EXT1: variants seen among roughly 807,000 people sequenced by gnomAD.
EXT1 encodes the protein exostosin-1.
EXT1 carries 20 observed loss-of-function variants against 82.5 expected under a neutral mutation model. That is an observed-to-expected ratio of 0.24 (90% CI 0.17 to 0.35). The LOEUF (loss-of-function observed/expected upper bound fraction) is 0.35, where lower values mean the gene tolerates loss of function less well. EXT1 is among the 10% of genes least tolerant of loss of function. The pLI is 1.00. For missense variants in EXT1, 757 were observed against 936.5 expected (o/e 0.81, Z 2.50); for synonymous variants, 348 against 350.8 (o/e 0.99, Z 0.09).
At chr8:117,869,048 C>T (rs1812823994) in intron 1 of EXT1, among the ~76,000 whole-genome samples, 1 of 152,112 alleles carries the variant, frequency 6.6e-6, no homozygotes, top group South Asian at 2.1e-4. Flanking sequence ...CTCTATGTTC[C>T]CTGCTGTGTG....
rs2130044879 is a variant in EXT1 at position 118,110,827 on chromosome 8, C to G, written c.220G>C (p.Glu74Gln). ...GGGGAAATGTGCACGCTGGAATCCTCGTTTTCCAATTGATCCCAAGGAACG... is the reference window on the plus strand; with the variant it reads ...GGGGAAATGTGCACGCTGGAATCCTGGTTTTCCAATTGATCCCAAGGAACG... Reference protein sequence around the residue: ...PFVPWDQLENEDSSVHISPRQ... With the variant: ...PFVPWDQLENQDSSVHISPRQ... The change falls in exon 1 of 11, where the codon GAG (glutamate) becomes CAG (glutamine). Residue 74 changes from glutamate (E) to glutamine (Q), a missense_variant. Glu to Gln is a conservative substitution (Grantham distance 29, BLOSUM62 2). Transcript: ENST00000378204. The G allele has an allele frequency of 6.2e-7, 1 of 1,612,558 alleles. No homozygotes were observed. Among genetic ancestry groups the G allele is most frequent in the South Asian group, 1.1e-5 (1 of 91,050 alleles).
intron 1 of EXT1, among the ~76,000 whole-genome samples, chr8:117,991,129 T>C (rs1392386378): frequency 1.3e-5 from 2 of 151,418 alleles, no homozygotes; most frequent in East Asian, 3.9e-4. Flanking sequence ...TTTTTTTAGA[T>C]GGACCCTCGC....
chr8:118,070,394 C>A (rs1036721157), intron 1 of EXT1, among the ~76,000 whole-genome samples: 9 of 151,950 alleles, frequency 5.9e-5, no homozygotes, highest in South Asian at 4.2e-4. Context: ...TGTTTCGATC[C>A]CCTCAAAATA....
At chr8:117,806,703 G>A (rs1433485266) in intron 9 of EXT1, among the ~76,000 whole-genome samples, 1 of 152,008 alleles carries the variant, frequency 6.6e-6, no homozygotes, top group African/African-American at 2.4e-5. Context: ...AATCACCCTG[G>A]ACACCCCCAA....
Position 118,037,700 on chromosome 8 carries a change from G to A in EXT1, c.962+72385C>T, listed in dbSNP as rs115957249. Reference sequence around the variant, plus strand: ...AATATAAAGTTCTCCACTGAAAACCGAAAGACTCAAAATCTATTATCTTAT... The same window carrying A: ...AATATAAAGTTCTCCACTGAAAACCAAAAGACTCAAAATCTATTATCTTAT... On this transcript the variant is annotated intron_variant, in intron 1 of 10. Transcript: ENST00000378204. Among the ~76,000 whole-genome samples, 1,089 of 152,176 alleles carry A rather than the reference G, an allele frequency of 7.2e-3. 21 individuals are homozygous for A. Among genetic ancestry groups the A allele is most frequent in the African/African-American group, 0.023 (956 of 41,540 alleles).
chr8:118,080,616 T>A (rs900288519), intron 1 of EXT1, among the ~76,000 whole-genome samples: 2 of 152,196 alleles, frequency 1.3e-5, no homozygotes, highest in African/African-American at 4.8e-5. Context: ...TGAAATGCAT[T>A]TTTCTCTGAA....
chr8:117,809,153 G>GTGTATGTA lies in EXT1; in HGVS notation c.1723-1784_1723-1777dup, dbSNP rs956156843. On this transcript the variant is annotated intron_variant, in intron 8 of 10. Coordinates refer to ENST00000378204, the MANE Select transcript of EXT1 (RefSeq NM_000127.3). ...TTACTCATAATAAATCTCTCTCTCA[G>GTGTATGTA]TGTATGTATGTATGTATGTATGTAT... 1.9e-3 allele frequency among the ~76,000 whole-genome samples: 277 copies of GTGTATGTA among 147,696 alleles called. 1 individual carries two copies. The highest frequency in any genetic ancestry group is 3.6e-3 in the Non-Finnish European group (245 of 67,128).
intron 1 of EXT1, among the ~76,000 whole-genome samples, chr8:117,993,286 A>G (rs1452878341): frequency 6.6e-6 from 1 of 152,222 alleles, no homozygotes; most frequent in East Asian, 1.9e-4. Flanking sequence ...CTGCATGGGG[A>G]TCAACAGATA....
At chr8:117,819,595 G>T in intron 6 of EXT1, 81 bp downstream of exon 6, 3 of 1,207,604 alleles carry the variant, frequency 2.5e-6, no homozygotes, top group South Asian at 1.2e-5. Flanking sequence ...TGGGGAGCCC[G>T]GGGGATAACA....
chr8:117,958,699 A>G (rs982301434), intron 1 of EXT1, among the ~76,000 whole-genome samples: 1 of 152,234 alleles, frequency 6.6e-6, no homozygotes, highest in African/African-American at 2.4e-5. Context: ...TTAAATATTT[A>G]TTGAGCATTT....
intron 1 of EXT1, among the ~76,000 whole-genome samples, chr8:117,995,294 T>C (rs1317329350): frequency 6.6e-6 from 1 of 152,198 alleles, no homozygotes; most frequent in Non-Finnish European, 1.5e-5. Flanking sequence ...TCAGGCATCT[T>C]TGTTCCTCTC....
chr8:117,866,277 T>A (rs1812772812), intron 1 of EXT1, among the ~76,000 whole-genome samples: 1 of 152,202 alleles, frequency 6.6e-6, no homozygotes, highest in South Asian at 2.1e-4. Flanking sequence ...ATATTTTTAA[T>A]TCAAAATATA....
In EXT1 at chr8:117,797,705, A is replaced by G. The variant is rs1397491535; in HGVS notation, c.*2007T>C. The G allele has an allele frequency of 6.6e-6, 1 of 152,232 alleles. No individual in the cohort carries two copies. Among genetic ancestry groups the G allele is most frequent in the East Asian group, 1.9e-4 (1 of 5,204 alleles). The allele number at this position is 152,232 out of a possible 1,614,324, so 9.4% of individuals were successfully genotyped here. ...GCAGCTTAAATGACATGAAACCTGTAAGACCAAACATTTTATAGAAAAGAC... is the reference window on the plus strand; with the variant it reads ...GCAGCTTAAATGACATGAAACCTGTGAGACCAAACATTTTATAGAAAAGAC... On this transcript the variant is annotated 3_prime_UTR_variant, in exon 11 of 11. Coordinates refer to ENST00000378204, the MANE Select transcript of EXT1 (RefSeq NM_000127.3).
chr8:117,994,784 T>C (rs1382299363), intron 1 of EXT1, among the ~76,000 whole-genome samples: 1 of 152,226 alleles, frequency 6.6e-6, no homozygotes, highest in Non-Finnish European at 1.5e-5. Context: ...CTTGTACATC[T>C]GGCAGTGACA....
intron 1 of EXT1, among the ~76,000 whole-genome samples, chr8:117,973,872 AAAGGAAAGGAAAGG>A (rs1166038919): frequency 0.047 from 6,237 of 133,328 alleles, 678 homozygotes; most frequent in Middle Eastern, 0.13. Context: ...AAAGGAAAGG[AAAGGAAAGGAAAGG>A]AAGGAAAGGA....
chr8:117,841,153 C>A (rs1326931975), intron 1 of EXT1, among the ~76,000 whole-genome samples: 1 of 152,164 alleles, frequency 6.6e-6, no homozygotes, highest in East Asian at 1.9e-4. Flanking sequence ...TAACCTTAAA[C>A]TGGAAACTAC....
chr8:117,862,994 T>A (rs1157873284), intron 1 of EXT1, among the ~76,000 whole-genome samples: 1 of 151,990 alleles, frequency 6.6e-6, no homozygotes, highest in East Asian at 1.9e-4. Context: ...GTGGAGGTGT[T>A]GGCAGAGGAA....
At chr8:117,911,427 C>T (rs1428188135) in intron 1 of EXT1, among the ~76,000 whole-genome samples, 1 of 152,134 alleles carries the variant, frequency 6.6e-6, no homozygotes, top group Non-Finnish European at 1.5e-5. Flanking sequence ...TGGCCAGTTC[C>T]GATTCCCTAT....
Position 117,798,286 on chromosome 8 carries a change from A to G in EXT1, c.*1426T>C, listed in dbSNP as rs918462803. 6.6e-6 allele frequency: 1 copy of G among 152,226 alleles called. No homozygotes were observed. The highest frequency in any genetic ancestry group is 1.5e-5 in the Non-Finnish European group (1 of 68,034). 9.4% of individuals were successfully genotyped at this position (152,226 alleles called of 1,614,324 possible). A position where few individuals can be genotyped will look rare whatever the true frequency, so the allele number is the denominator to read the frequency against. On this transcript the variant is annotated 3_prime_UTR_variant, in exon 11 of 11. Transcript: ENST00000378204. Reference sequence around the variant, plus strand: ...CTAAAGTGCTTATTGTTTATTCAGCATAATACATGGTCAAACTCAATAATG... The same window carrying G: ...CTAAAGTGCTTATTGTTTATTCAGCGTAATACATGGTCAAACTCAATAATG...
Sources: allele counts gnomAD v4.1 joint callset (sites outside exome capture counted in the v4.1 genomes callset), GRCh38; gene constraint gnomAD v4.1.1; transcripts MANE v1.5; gene names NCBI Gene and HGNC (gene_info 2026-07-23, HGNC 2026-07-21).